Variants in DCC observed in about 807,000 individuals in gnomAD.
DCC encodes DCC netrin 1 receptor.
A neutral mutation model predicts 172.5 loss-of-function variants in DCC; 58 were observed. The ratio of observed to expected loss-of-function variants is 0.34; its 90% CI spans 0.27 to 0.42. The LOEUF (loss-of-function observed/expected upper bound fraction) is 0.42, where lower values mean the gene tolerates loss of function less well. Ranked by LOEUF, DCC falls within the 10% of genes least tolerant of loss-of-function variation. The pLI, the probability that DCC is intolerant of heterozygous loss-of-function variation, is 1.00. For missense variants in DCC, 1,740 were observed against 1,791.0 expected (o/e 0.97, Z 0.51); for synonymous variants, 709 against 644.5 (o/e 1.10, Z -1.52).
At chr18:53,039,492 G>A (rs1485249991) in intron 5 of DCC, among the ~76,000 whole-genome samples, 1 of 151,892 alleles carries the variant, frequency 6.6e-6, no homozygotes, top group East Asian at 1.9e-4. Flanking sequence ...ATGTTAAAAG[G>A]ATTGGAGAGG....
At chr18:52,515,602 GTC>G (rs2031604329) in intron 1 of DCC, among the ~76,000 whole-genome samples, 3 of 2,482 alleles carry the variant, frequency 1.2e-3, no homozygotes, top group East Asian at 0.12. Flanking sequence ...GCGAAACCCT[GTC>G]TCAAAAAAAA....
At chr18:53,452,103 A>T (rs995614187) in intron 23 of DCC, among the ~76,000 whole-genome samples, 1 of 152,186 alleles carries the variant, frequency 6.6e-6, no homozygotes, top group Non-Finnish European at 1.5e-5. Flanking sequence ...GGCTGTTAAT[A>T]AGGCTCTGGA....
chr18:53,385,939 C>T (rs932106673), intron 15 of DCC, 104 bp from the exon 16 acceptor site: 4 of 800,652 alleles, frequency 5.0e-6, no homozygotes, highest in Admixed American at 1.9e-5. Context: ...AAACAATTTA[C>T]CAAGTAGATT....
intron 1 of DCC, among the ~76,000 whole-genome samples, chr18:52,521,320 A>T (rs2031807234): frequency 6.6e-6 from 1 of 152,202 alleles, no homozygotes; most frequent in Non-Finnish European, 1.5e-5. Flanking sequence ...CATCATGTTC[A>T]CTGAATAATT....
intron 12 of DCC, among the ~76,000 whole-genome samples, chr18:53,255,803 G>A (rs2056503465): frequency 6.6e-6 from 1 of 152,088 alleles, no homozygotes; most frequent in Non-Finnish European, 1.5e-5. Flanking sequence ...CTTCCAAAAT[G>A]GTTGAACTAG....
At chr18:53,215,867 G>A (rs1215362883) in intron 12 of DCC, among the ~76,000 whole-genome samples, 1 of 152,108 alleles carries the variant, frequency 6.6e-6, no homozygotes, top group African/African-American at 2.4e-5. Context: ...GTGGCCAAAG[G>A]CTATTCCATA....
intron 15 of DCC, among the ~76,000 whole-genome samples, chr18:53,361,716 A>T (rs1194884094): frequency 6.6e-6 from 1 of 152,212 alleles, no homozygotes; most frequent in Non-Finnish European, 1.5e-5. Flanking sequence ...TAATGTGGCA[A>T]GGTTTTTGCT....
intron 1 of DCC, among the ~76,000 whole-genome samples, chr18:52,618,886 C>T (rs1302448159): frequency 6.6e-6 from 1 of 152,090 alleles, no homozygotes; most frequent in Non-Finnish European, 1.5e-5. Flanking sequence ...TATACTTGTC[C>T]TATTGATTTT....
chr18:53,406,045 T>C (rs1487233682), intron 19 of DCC, among the ~76,000 whole-genome samples: 2 of 152,184 alleles, frequency 1.3e-5, no homozygotes, highest in African/African-American at 2.4e-5. Flanking sequence ...AAGTGACTTA[T>C]TGTATAGCCA....
intron 2 of DCC, among the ~76,000 whole-genome samples, chr18:52,843,154 C>A (rs1227252462): frequency 6.6e-6 from 1 of 152,116 alleles, no homozygotes; most frequent in African/African-American, 2.4e-5. Context: ...GAACTTGTAT[C>A]TTTTTTTGCA....
intron 2 of DCC, among the ~76,000 whole-genome samples, chr18:52,798,448 C>T (rs1389532944): frequency 6.6e-6 from 1 of 152,196 alleles, no homozygotes; most frequent in Non-Finnish European, 1.5e-5. Flanking sequence ...AGGTGATCCT[C>T]TTGCTTCAGC....
intron 15 of DCC, among the ~76,000 whole-genome samples, chr18:53,381,652 T>A (rs974927033): frequency 7.0e-6 from 1 of 143,088 alleles, no homozygotes; most frequent in Non-Finnish European, 1.5e-5. Context: ...AAGACCAGAC[T>A]TCAGTATCTA....
intron 5 of DCC, among the ~76,000 whole-genome samples, chr18:52,963,137 A>G (rs2040871327): frequency 6.6e-6 from 1 of 151,802 alleles, no homozygotes; most frequent in African/African-American, 2.4e-5. Context: ...AAAGTGAATT[A>G]AGACTCCAGT....
At chr18:53,404,179 G>A (rs1909501083) in intron 19 of DCC, among the ~76,000 whole-genome samples, 1 of 151,880 alleles carries the variant, frequency 6.6e-6, no homozygotes, top group African/African-American at 2.4e-5. Flanking sequence ...TTATTTATAA[G>A]CTTATGGGAA....
chr18:53,177,330 T>TA (rs915573040), intron 8 of DCC, among the ~76,000 whole-genome samples: 133 of 150,730 alleles, frequency 8.8e-4, no homozygotes, highest in African/African-American at 2.0e-3. Flanking sequence ...TAAAGTATAA[T>TA]AAAAAAAAAG....
rs115337598 is a variant in DCC at position 52,848,926 on chromosome 18, G to A, written c.413-57118G>A. ...ATTCAGTTTTCTTATTTTTAAAAAG[G>A]CAGCATTGACAGTGTGTACCTCAGA... is the stretch of plus-strand genomic sequence containing the variant. On this transcript the variant is annotated intron_variant, in intron 2 of 28. Coordinates refer to ENST00000442544, the MANE Select transcript of DCC (RefSeq NM_005215.4). 2.2e-3 allele frequency among the ~76,000 whole-genome samples: 334 copies of A among 152,218 alleles called. 2 individuals carry two copies. Among genetic ancestry groups the A allele is most frequent in the African/African-American group, 7.7e-3 (318 of 41,542 alleles).
At chr18:53,096,443 C>G (rs941364932) in intron 7 of DCC, among the ~76,000 whole-genome samples, 1 of 152,066 alleles carries the variant, frequency 6.6e-6, no homozygotes, top group Non-Finnish European at 1.5e-5. Context: ...GTGGTCAGAT[C>G]TCTAGTTGAG....
intron 1 of DCC, among the ~76,000 whole-genome samples, chr18:52,629,949 C>CAAAAA (rs540334133): frequency 2.4e-5 from 1 of 40,910 alleles, no homozygotes; most frequent in Non-Finnish European, 4.3e-5. Context: ...GACTCCGTCT[C>CAAAAA]AAAAAAAAAA....
intron 21 of DCC, among the ~76,000 whole-genome samples, chr18:53,428,418 A>C (rs1222882060): frequency 1.7e-5 from 1 of 59,772 alleles, no homozygotes; most frequent in Admixed American, 2.8e-4. Flanking sequence ...TACATATATA[A>C]TATAATATAT....
Sources: allele counts gnomAD v4.1 joint callset (sites outside exome capture counted in the v4.1 genomes callset), GRCh38; gene constraint gnomAD v4.1.1; transcripts MANE v1.5; gene names NCBI Gene and HGNC (gene_info 2026-07-23, HGNC 2026-07-21).